The following CNOT1 variants were observed in gnomAD, a reference collection of about 807,000 sequenced individuals.
The protein encoded by CNOT1 is CCR4-NOT transcription complex subunit 1, also known as CCR4-associated factor 1.
A neutral mutation model predicts 273.8 loss-of-function variants in CNOT1; 15 were observed. The ratio of observed to expected loss-of-function variants is 0.05; its 90% confidence interval spans 0.04 to 0.08. The LOEUF (loss-of-function observed/expected upper bound fraction) is 0.08. Among genes scored for constraint, CNOT1 ranks in the 10% least tolerant of loss-of-function variants. The probability of loss-of-function intolerance (pLI) is 1.00; values close to 1 mark genes in which losing one functional copy is unlikely to be tolerated. For synonymous variants in CNOT1, 1,022 were observed against 1,005.5 expected, an observed-to-expected ratio of 1.02 and a Z score of -0.31; for missense variants, 1,644 against 2,912.2, an observed-to-expected ratio of 0.56 and a Z score of 10.02.
At position 58,524,174 on chromosome 16, in the gene CNOT1, C is replaced by T. The variant is rs545498079; in HGVS notation, c.6785-672G>A. On this transcript the variant is annotated intron_variant, in intron 46 of 48. Coordinates refer to ENST00000317147, the MANE Select transcript of CNOT1 (RefSeq NM_016284.5). ...CTGAGGCAGGAGAATCGCTTGAACC[C>T]CTGAGGCGGAAGTTATGGTGAGCCG... is the stretch of plus-strand genomic sequence containing the variant. 2.6e-4 allele frequency among the ~76,000 whole-genome samples: 39 copies of T among 151,128 alleles called. 1 individual carries two copies. In the South Asian group the frequency reaches 7.9e-3, roughly 31 times the overall value.
intron 21 of CNOT1, among the ~76,000 whole-genome samples, chr16:58,554,123 T>C (rs2040545373): frequency 6.6e-6 from 1 of 152,118 alleles, no homozygotes; most frequent in South Asian, 2.1e-4. Context: ...GAGCCACTTC[T>C]CTGGAAACAA....
chr16:58,628,998 C>G (rs1480184153), intron 1 of CNOT1, among the ~76,000 whole-genome samples: 1 of 152,238 alleles, frequency 6.6e-6, no homozygotes, highest in Non-Finnish European at 1.5e-5. Context: ...GACACTTGTC[C>G]TGGGTGAGCA....
chr16:58,618,122 T>C (rs899710272), intron 1 of CNOT1, among the ~76,000 whole-genome samples: 23 of 152,118 alleles, frequency 1.5e-4, no homozygotes, highest in African/African-American at 9.7e-5. Flanking sequence ...CACAAGTTAT[T>C]AGAAAAACAG....
At chr16:58,617,654 T>C (rs1031261673) in intron 1 of CNOT1, among the ~76,000 whole-genome samples, 1 of 152,180 alleles carries the variant, frequency 6.6e-6, no homozygotes, top group Admixed American at 6.6e-5. Context: ...GTGCCCTTGT[T>C]GAGAAAATGG....
intron 43 of CNOT1, 37 bp from the exon 44 acceptor site, chr16:58,528,685 A>G: frequency 1.4e-6 from 2 of 1,455,680 alleles, no homozygotes; most frequent in Non-Finnish European, 1.9e-6. Context: ...TTCCACACTA[A>G]GGAAAATGGA....
chr16:58,603,413 G>A (rs2042547204), intron 1 of CNOT1, among the ~76,000 whole-genome samples: 1 of 12,426 alleles, frequency 8.0e-5, no homozygotes, highest in Non-Finnish European at 1.5e-4. Context: ...TTAAAAGTGT[G>A]TGTGTGTGTG....
intron 1 of CNOT1, among the ~76,000 whole-genome samples, chr16:58,627,114 A>C (rs994697084): frequency 1.3e-5 from 2 of 152,004 alleles, no homozygotes; most frequent in African/African-American, 4.8e-5. Context: ...ACTGGTTAAA[A>C]AGAAAGCTTC....
intron 1 of CNOT1, among the ~76,000 whole-genome samples, chr16:58,616,512 C>T (rs946340194): frequency 4.6e-5 from 7 of 152,210 alleles, no homozygotes; most frequent in Admixed American, 2.6e-4. Flanking sequence ...CCACCTCAGC[C>T]TCCCAAAGTG....
At chr16:58,534,039 A>G (rs958260931) in intron 40 of CNOT1, 108 bp downstream of exon 40, 42 of 1,172,460 alleles carry the variant, frequency 3.6e-5, no homozygotes, top group Non-Finnish European at 4.2e-5. Context: ...CCTGGGTGAC[A>G]GAGTGAGACT....
At chr16:58,550,704 A>G (rs769194910) in intron 24 of CNOT1, among the ~76,000 whole-genome samples, 6 of 152,202 alleles carry the variant, frequency 3.9e-5, no homozygotes, top group Non-Finnish European at 8.8e-5. Flanking sequence ...TTGGCTACAT[A>G]CAGGATTGGC....
At chr16:58,579,105 C>T (rs1282559487) in intron 12 of CNOT1, among the ~76,000 whole-genome samples, 166 bp from the exon 13 acceptor site, 1 of 152,054 alleles carries the variant, frequency 6.6e-6, no homozygotes, top group African/African-American at 2.4e-5. Context: ...ATTTTTGCCC[C>T]AAGAGGTTGA....
chr16:58,603,727 T>C (rs963366569), intron 1 of CNOT1, among the ~76,000 whole-genome samples: 34 of 152,072 alleles, frequency 2.2e-4, no homozygotes. Context: ...GCCCTTCTTG[T>C]GGACAGCAAT....
At chr16:58,529,183 T>C (rs2039693568) in intron 43 of CNOT1, among the ~76,000 whole-genome samples, 1 of 152,150 alleles carries the variant, frequency 6.6e-6, no homozygotes, top group Non-Finnish European at 1.5e-5. Flanking sequence ...TGCTCATAAA[T>C]CTGACAATTC....
At chr16:58,556,447 A>C (rs959028426) in intron 19 of CNOT1, among the ~76,000 whole-genome samples, 2 of 152,246 alleles carry the variant, frequency 1.3e-5, no homozygotes, top group Non-Finnish European at 2.9e-5. Flanking sequence ...GACTTCTATG[A>C]GTTTAGTTAG....
At chr16:58,590,593 T>A (rs1339648618) in intron 2 of CNOT1, among the ~76,000 whole-genome samples, 6 of 149,340 alleles carry the variant, frequency 4.0e-5, no homozygotes, top group Non-Finnish European at 8.9e-5. Flanking sequence ...AGACTCTGTC[T>A]CCAAAAAAAA....
intron 21 of CNOT1, among the ~76,000 whole-genome samples, chr16:58,554,290 C>T (rs896995238): frequency 6.6e-6 from 1 of 151,694 alleles, no homozygotes; most frequent in African/African-American, 2.4e-5. Context: ...AAATGGCATT[C>T]TAGAAAAACT....
At chr16:58,588,968 T>C in intron 2 of CNOT1, 62 bp from the exon 3 acceptor site, 3 of 1,494,252 alleles carry the variant, frequency 2.0e-6, no homozygotes, top group Non-Finnish European at 2.7e-6. Context: ...AAAAGTAAGG[T>C]TTCAAAAAAG....
intron 2 of CNOT1, chr16:58,598,023 G>A (rs2042323232): frequency 5.4e-6 from 1 of 183,522 alleles, no homozygotes; most frequent in South Asian, 1.1e-4. Context: ...CAGCACCTTG[G>A]GAGGCCAAGG....
intron 13 of CNOT1, among the ~76,000 whole-genome samples, chr16:58,577,212 T>C (rs1212064688): frequency 1.3e-5 from 2 of 152,280 alleles, no homozygotes; most frequent in South Asian, 2.1e-4. Flanking sequence ...TATTGCTATA[T>C]CTAAGTAATA....
Sources: gnomAD v4.1 joint callset for allele counts (sites outside exome capture counted in the v4.1 genomes callset) on GRCh38, gnomAD v4.1.1 for gene constraint, MANE v1.5 for transcripts, NCBI Gene and HGNC (gene_info 2026-07-23, HGNC 2026-07-21) for gene names.